Variants in MEIS2 observed in about 807,000 individuals in gnomAD.
MEIS2 encodes homeobox protein Meis2.
In MEIS2, 9 loss-of-function variants were observed where a neutral mutation model predicts 58.6. That is an observed-to-expected ratio of 0.15 (90% CI 0.09 to 0.27). The LOEUF (loss-of-function observed/expected upper bound fraction) is 0.27, where lower values mean the gene tolerates loss of function less well. Ranked by LOEUF, MEIS2 falls within the 10% of genes least tolerant of loss-of-function variation. The probability of loss-of-function intolerance (pLI) is 1.00; values close to 1 mark genes in which losing one functional copy is unlikely to be tolerated. For synonymous variants in MEIS2, 221 were observed against 228.4 expected (o/e 0.97, Z 0.29); for missense variants, 427 against 635.0 (o/e 0.67, Z 3.52).
intron 7 of MEIS2, among the ~76,000 whole-genome samples, chr15:37,053,059 T>C (rs1260818018): frequency 2.6e-5 from 4 of 152,206 alleles, no homozygotes; most frequent in Admixed American, 2.0e-4. Flanking sequence ...TAAAGGTTTT[T>C]GTTTGAGAGG....
chr15:36,995,537 A>C (rs532173927), intron 8 of MEIS2, among the ~76,000 whole-genome samples: 7 of 151,386 alleles, frequency 4.6e-5, no homozygotes, highest in African/African-American at 1.7e-4. Flanking sequence ...TTAAAAATTA[A>C]TTGATCTCTG....
chr15:37,066,187 C>T (rs2141856084), intron 7 of MEIS2: 2 of 152,208 alleles, frequency 1.3e-5, no homozygotes, highest in South Asian at 4.1e-4. Flanking sequence ...GTGTAAATCA[C>T]TGATTTAAAA....
In MEIS2 at chr15:36,983,217, T is replaced by C. The variant is rs534045124; in HGVS notation, c.901-32817A>G. 3.9e-5 allele frequency among the ~76,000 whole-genome samples: 6 copies of C among 152,282 alleles called. No homozygotes were observed. The South Asian group carries it at 1.2e-3, about 32-fold the overall frequency. On this transcript the variant is annotated intron_variant, in intron 8 of 11. Coordinates refer to ENST00000561208, the MANE Select transcript of MEIS2 (RefSeq NM_170675.5). ...TTTGGAGTCATATCCAAAAAAATCA[T>C]TGTCCAGACCAATGTCAAAAAGATC...
At chr15:37,031,294 G>A (rs2061910850) in intron 8 of MEIS2, among the ~76,000 whole-genome samples, 1 of 152,094 alleles carries the variant, frequency 6.6e-6, no homozygotes, top group South Asian at 2.1e-4. Flanking sequence ...ACATTGGACT[G>A]CCTCATTTAA....
At chr15:36,974,919 G>C (rs1236943352) in intron 8 of MEIS2, among the ~76,000 whole-genome samples, 1 of 152,170 alleles carries the variant, frequency 6.6e-6, no homozygotes, top group Non-Finnish European at 1.5e-5. Flanking sequence ...ACGTGCCCAA[G>C]AGAGAAGAGT....
intron 2 of MEIS2, chr15:37,097,460 A>G (rs1291079522): frequency 1.9e-5 from 3 of 153,908 alleles, no homozygotes; most frequent in African/African-American, 7.2e-5. Context: ...GAGAATTAAG[A>G]AGTGGGTGAT....
chr15:37,054,714 A>G (rs762593933), intron 7 of MEIS2, among the ~76,000 whole-genome samples: 1 of 152,186 alleles, frequency 6.6e-6, no homozygotes, highest in African/African-American at 2.4e-5. Context: ...CACCGTGCCC[A>G]GCATAACTTT....
intron 6 of MEIS2, among the ~76,000 whole-genome samples, chr15:37,087,665 A>G (rs540916189): frequency 6.6e-6 from 1 of 152,312 alleles, no homozygotes; most frequent in South Asian, 2.1e-4. Flanking sequence ...CATAGAGAGG[A>G]CAGGAGTCTC....
At chr15:37,080,132 T>C (rs1291293785) in intron 7 of MEIS2, among the ~76,000 whole-genome samples, 1 of 152,168 alleles carries the variant, frequency 6.6e-6, no homozygotes, top group Non-Finnish European at 1.5e-5. Flanking sequence ...CATATTCCAT[T>C]TGCCTAAGAC....
chr15:37,046,458 G>C (rs2062674449), intron 7 of MEIS2, among the ~76,000 whole-genome samples: 1 of 152,026 alleles, frequency 6.6e-6, no homozygotes, highest in Non-Finnish European at 1.5e-5. Context: ...GGAAAGTGGT[G>C]GGTGAAAAAA....
intron 8 of MEIS2, among the ~76,000 whole-genome samples, chr15:37,014,892 T>C (rs908213332): frequency 1.3e-5 from 2 of 151,764 alleles, no homozygotes; most frequent in Non-Finnish European, 2.9e-5. Context: ...TTTTTAACTA[T>C]GGACCTGAAC....
chr15:36,982,620 C>A lies in MEIS2; in HGVS notation c.901-32220G>T, dbSNP rs111253103. Among the ~76,000 whole-genome samples, 377 of 152,234 alleles carry A rather than the reference C, an allele frequency of 2.5e-3. 1 individual carries two copies. Among genetic ancestry groups the A allele is most frequent in the African/African-American group, 8.8e-3 (364 of 41,546 alleles). ...TAATGCTGCAATGAACATGGGAATG[C>A]AGATATTTCTTTGACATACTGATTT... is the stretch of plus-strand genomic sequence containing the variant. On this transcript the variant is annotated intron_variant, in intron 8 of 11. Transcript: ENST00000561208.
intron 7 of MEIS2, among the ~76,000 whole-genome samples, chr15:37,051,591 T>C (rs2062921107): frequency 6.6e-6 from 1 of 152,210 alleles, no homozygotes; most frequent in Non-Finnish European, 1.5e-5. Context: ...TTGTACACTT[T>C]AAATGGGTGC....
At chr15:37,054,940 T>C (rs1344418850) in intron 7 of MEIS2, among the ~76,000 whole-genome samples, 1 of 152,232 alleles carries the variant, frequency 6.6e-6, no homozygotes, top group Non-Finnish European at 1.5e-5. Context: ...ATTGAGCACT[T>C]ACTCTCTTCC....
rs1366282967 is a variant in MEIS2, at chr15:36,891,844, T to C, written c.*329A>G. On this transcript the variant is annotated 3_prime_UTR_variant, in exon 12 of 12. Coordinates refer to ENST00000561208, the MANE Select transcript of MEIS2 (RefSeq NM_170675.5). ...GAAAACAAGGATATATTTTTTTTTC[T>C]CTTCTAAAACTATTTGAGGCAACAT... 1 of 328,168 alleles carries C rather than the reference T, an allele frequency of 3.0e-6. No individual in the cohort carries two copies. The highest frequency in any genetic ancestry group is 2.2e-5 in the African/African-American group (1 of 45,438). The allele number at this position is 328,168 out of a possible 1,614,324, so 20.3% of individuals were successfully genotyped here. A position where few individuals can be genotyped will look rare whatever the true frequency, so the allele number is the denominator to read the frequency against.
At chr15:36,939,591 A>C (rs570619516) in intron 9 of MEIS2, among the ~76,000 whole-genome samples, 210 of 152,182 alleles carry the variant, frequency 1.4e-3, no homozygotes, top group Non-Finnish European at 1.6e-3. Flanking sequence ...GTTATTGGGA[A>C]AATCATACCA....
At chr15:36,945,552 C>T (rs1259274056) in intron 9 of MEIS2, among the ~76,000 whole-genome samples, 2 of 151,998 alleles carry the variant, frequency 1.3e-5, no homozygotes, top group African/African-American at 4.8e-5. Flanking sequence ...ATTCTTTTCT[C>T]TCGGCACAGT....
intron 8 of MEIS2, among the ~76,000 whole-genome samples, chr15:37,022,823 A>G (rs1488538094): frequency 6.6e-6 from 1 of 150,748 alleles, no homozygotes; most frequent in Admixed American, 6.6e-5. Context: ...CACCCGGCTA[A>G]TTTTTGTATT....
chr15:36,904,328 T>G (rs1292226442), intron 9 of MEIS2, among the ~76,000 whole-genome samples: 1 of 129,184 alleles, frequency 7.7e-6, no homozygotes, highest in Non-Finnish European at 1.6e-5. Flanking sequence ...ACCCCCACCA[T>G]TTTTTGCAAT....
Sources: allele counts gnomAD v4.1 joint callset (sites outside exome capture counted in the v4.1 genomes callset), GRCh38; gene constraint gnomAD v4.1.1; transcripts MANE v1.5; gene names NCBI Gene and HGNC (gene_info 2026-07-23, HGNC 2026-07-21).